Variants in NUP210 observed in about 807,000 individuals in gnomAD.
The protein encoded by NUP210 is nuclear pore membrane glycoprotein 210.
In NUP210, 151 loss-of-function variants were observed where a neutral mutation model predicts 196.0. The ratio of observed to expected loss-of-function variants is 0.77; its 90% CI spans 0.67 to 0.88. The LOEUF is 0.88. Ranked by LOEUF, NUP210 falls within the 40% of genes least tolerant of loss-of-function variation. The pLI is 0.00. For synonymous variants in NUP210, 1,070 were observed against 1,052.7 expected (o/e 1.02, Z -0.32); for missense variants, 2,314 against 2,493.7 (o/e 0.93, Z 1.53).
chr3:13,372,548 G>C (rs976825477), intron 12 of NUP210, among the ~76,000 whole-genome samples: 3 of 152,226 alleles, frequency 2.0e-5, no homozygotes, highest in Admixed American at 6.5e-5. Flanking sequence ...GCGACAGCTT[G>C]AGCCAGGGCA....
chr3:13,399,712 A>C lies in NUP210; in HGVS notation c.304+13T>G, dbSNP rs369163768. On this transcript the variant is annotated intron_variant, in intron 2 of 39. Transcript: ENST00000254508. ...GCTCCCACCGGGGATCACACACAGC[A>C]CTCAGCCCTTACTGATGTCCTCTGC... is the stretch of plus-strand genomic sequence containing the variant. 26 of 1,613,812 alleles carry C rather than the reference A, an allele frequency of 1.6e-5. No individual in the cohort carries two copies. Among genetic ancestry groups the C allele is most frequent in the South Asian group, 1.1e-5 (1 of 91,070 alleles).
At chr3:13,412,533 G>T (rs953743726) in intron 1 of NUP210, among the ~76,000 whole-genome samples, 3 of 151,966 alleles carry the variant, frequency 2.0e-5, no homozygotes, top group African/African-American at 7.2e-5. Flanking sequence ...GGCCAACATG[G>T]CGAAATCCCG....
At chr3:13,403,903 T>G (rs947748201) in intron 1 of NUP210, among the ~76,000 whole-genome samples, 1 of 152,074 alleles carries the variant, frequency 6.6e-6, no homozygotes, top group Non-Finnish European at 1.5e-5. Flanking sequence ...AGGAGTAAGA[T>G]TCCATCCACC....
chr3:13,368,620 T>C (rs1405558456), intron 13 of NUP210, among the ~76,000 whole-genome samples: 1 of 152,214 alleles, frequency 6.6e-6, no homozygotes, highest in Non-Finnish European at 1.5e-5. Flanking sequence ...ACTACCATTA[T>C]ACTTCCTATC....
chr3:13,381,420 CTTTTT>C, intron 6 of NUP210, among the ~76,000 whole-genome samples: 1 of 134,436 alleles, frequency 7.4e-6, no homozygotes, highest in Admixed American at 7.5e-5. Flanking sequence ...CTTTTCTTTT[CTTTTT>C]TTTTTTTTTT....
intron 27 of NUP210, 55 bp downstream of exon 27, chr3:13,336,732 G>A (rs1697230696): frequency 1.9e-6 from 3 of 1,578,266 alleles, no homozygotes; most frequent in South Asian, 2.3e-5. Flanking sequence ...TGCCACTCGG[G>A]GTGCTGGCCT....
intron 28 of NUP210, among the ~76,000 whole-genome samples, 182 bp downstream of exon 28, chr3:13,335,272 C>T (rs1221584362): frequency 1.3e-5 from 2 of 152,188 alleles, no homozygotes; most frequent in African/African-American, 4.8e-5. Flanking sequence ...CACCTCTGGG[C>T]TCCCATAGCA....
intron 3 of NUP210, among the ~76,000 whole-genome samples, chr3:13,395,726 G>A (rs1576415975): frequency 1.3e-5 from 2 of 152,142 alleles, no homozygotes; most frequent in South Asian, 2.1e-4. Flanking sequence ...CACACTTGGC[G>A]GTTATGAATA....
intron 33 of NUP210, among the ~76,000 whole-genome samples, chr3:13,325,551 A>C (rs1357198410): frequency 6.6e-6 from 1 of 151,996 alleles, no homozygotes; most frequent in Non-Finnish European, 1.5e-5. Context: ...GCTGGAATCC[A>C]CCCTACAAGG....
At chr3:13,397,311 A>G (rs758469632) in intron 3 of NUP210, 46 bp downstream of exon 3, 1 of 1,588,468 alleles carries the variant, frequency 6.3e-7, no homozygotes, top group South Asian at 1.1e-5. Context: ...TGGGGGGATG[A>G]TCTAGCATGG....
At chr3:13,401,259 C>CAAAAAAAAAGAAAAAAAA (rs1699828797) in intron 1 of NUP210, among the ~76,000 whole-genome samples, 1 of 43,846 alleles carries the variant, frequency 2.3e-5, no homozygotes, top group Non-Finnish European at 4.0e-5. Context: ...GACTCTGGCT[C>CAAAAAAAAAGAAAAAAAA]AAAAAAAAAA....
chr3:13,332,232 G>T, intron 29 of NUP210, 61 bp downstream of exon 29: 1 of 1,322,044 alleles, frequency 7.6e-7, no homozygotes, highest in Non-Finnish European at 1.1e-6. Flanking sequence ...GTTGACACAT[G>T]AGGTGTCGGA....
At chr3:13,349,422 C>T (rs1255292802) in intron 20 of NUP210, among the ~76,000 whole-genome samples, 1 of 152,240 alleles carries the variant, frequency 6.6e-6, no homozygotes, top group African/African-American at 2.4e-5. Flanking sequence ...ACCCAGAACC[C>T]ATTCGTGGGA....
At chr3:13,330,411 C>G (rs2124842604) in intron 30 of NUP210, 49 bp downstream of exon 30, 1 of 1,555,562 alleles carries the variant, frequency 6.4e-7, no homozygotes, top group Admixed American at 1.7e-5. Flanking sequence ...CATATTACCT[C>G]AGTGCTATTG....
chr3:13,370,598 G>A (rs1412131327), intron 13 of NUP210, among the ~76,000 whole-genome samples: 1 of 152,214 alleles, frequency 6.6e-6, no homozygotes, highest in Non-Finnish European at 1.5e-5. Context: ...GTGTCCTGCT[G>A]TCAGCGGGCC....
At chr3:13,400,817 C>T (rs534740622) in intron 1 of NUP210, among the ~76,000 whole-genome samples, 2 of 152,322 alleles carry the variant, frequency 1.3e-5, no homozygotes, top group South Asian at 2.1e-4. Context: ...GCGCTTGTCT[C>T]TCGGGGCCGC....
intron 1 of NUP210, among the ~76,000 whole-genome samples, chr3:13,402,883 G>A (rs1699884668): frequency 6.6e-6 from 1 of 152,192 alleles, no homozygotes; most frequent in Admixed American, 6.5e-5. Flanking sequence ...TACAATGGAG[G>A]AGGCTGTGGT....
At position 13,386,642 on chromosome 3, in the gene NUP210, C is replaced by T. The variant is rs147605603; in HGVS notation, c.685-235G>A. Among the ~76,000 whole-genome samples, 22 of 152,258 alleles carry T rather than the reference C, an allele frequency of 1.4e-4. No homozygotes were observed. The East Asian group carries it at 3.5e-3, about 24-fold the overall frequency. ...CCAGACTGAGCCCTCACACTGACTG[C>T]CCATTGTGCATGGTTTATCTCTATG... On this transcript the variant is annotated intron_variant, in intron 5 of 39. Transcript: ENST00000254508.
chr3:13,336,744 G>A (rs1697231350), intron 27 of NUP210, 43 bp downstream of exon 27: 14 of 1,598,134 alleles, frequency 8.8e-6, no homozygotes, highest in Non-Finnish European at 1.2e-5. Flanking sequence ...TGCTGGCCTG[G>A]GACAGGGGTG....
Sources: gnomAD v4.1 joint callset for allele counts (sites outside exome capture counted in the v4.1 genomes callset) on GRCh38, gnomAD v4.1.1 for gene constraint, MANE v1.5 for transcripts, NCBI Gene and HGNC (gene_info 2026-07-23, HGNC 2026-07-21) for gene names.